DENND2A: variants seen among roughly 807,000 people sequenced by gnomAD.
The protein encoded by DENND2A is DENN domain containing 2A, also known as DENN domain-containing protein 2A.
A neutral mutation model predicts 105.3 loss-of-function variants in DENND2A; 53 were observed. That is an observed-to-expected ratio of 0.50 (90% CI 0.40 to 0.63). The LOEUF (loss-of-function observed/expected upper bound fraction) is 0.63, where lower values mean the gene tolerates loss of function less well. Among genes scored for constraint, DENND2A ranks in the 30% least tolerant of loss-of-function variants. The probability of loss-of-function intolerance (pLI) is 0.00; values close to 1 mark genes in which losing one functional copy is unlikely to be tolerated. For synonymous variants in DENND2A, 522 were observed against 508.4 expected (o/e 1.03, Z -0.36); for missense variants, 1,138 against 1,279.6 (o/e 0.89, Z 1.69).
rs772656922 is a variant in DENND2A at position 140,585,693 on chromosome 7, TCTC to T, written c.1138_1140del (p.Glu380del). The T allele has an allele frequency of 6.2e-7, 1 of 1,614,186 alleles. No homozygotes were observed. The highest frequency in any genetic ancestry group is 8.5e-7 in the Non-Finnish European group (1 of 1,180,028). On this transcript the variant is annotated inframe_deletion, in exon 5 of 20. Transcript: ENST00000496613. ...TGTAACTCGATGTCCTCATAAGGGTTCTCCTTCATTGGCGGATCTGTGTTCAAA... is the reference window on the plus strand; with the variant it reads ...TGTAACTCGATGTCCTCATAAGGGTTCTTCATTGGCGGATCTGTGTTCAAA...
At chr7:140,615,387 C>G (rs1322660534) in intron 1 of DENND2A, among the ~76,000 whole-genome samples, 1 of 152,198 alleles carries the variant, frequency 6.6e-6, no homozygotes, top group East Asian at 1.9e-4. Flanking sequence ...GGCCTGCACC[C>G]TTCTTGGACC....
At chr7:140,542,409 G>A (rs1045510781) in intron 14 of DENND2A, among the ~76,000 whole-genome samples, 1 of 152,070 alleles carries the variant, frequency 6.6e-6, no homozygotes, top group Non-Finnish European at 1.5e-5. Flanking sequence ...TAACGGTGAG[G>A]AGGGATGCCC....
intron 11 of DENND2A, 63 bp from the exon 12 acceptor site, chr7:140,555,776 A>AC: frequency 6.8e-7 from 1 of 1,461,696 alleles, no homozygotes; most frequent in East Asian, 2.3e-5. Context: ...AAAGGAACCC[A>AC]CATGTTTTTT....
At chr7:140,524,523 C>A (rs958625782) in intron 16 of DENND2A, among the ~76,000 whole-genome samples, 1 of 152,056 alleles carries the variant, frequency 6.6e-6, no homozygotes, top group Non-Finnish European at 1.5e-5. Flanking sequence ...AGTGCACGTG[C>A]GTGCGCGCAC....
intron 1 of DENND2A, among the ~76,000 whole-genome samples, chr7:140,615,874 C>T (rs866616231): frequency 1.3e-5 from 2 of 151,868 alleles, no homozygotes; most frequent in Non-Finnish European, 2.9e-5. Flanking sequence ...TTTTCTTATG[C>T]TTAATGCGTC....
chr7:140,544,682 G>C lies in DENND2A; in HGVS notation c.2263C>G (p.Leu755Val). 1.9e-6 allele frequency: 3 copies of C among 1,614,054 alleles called. No homozygotes were observed. Among genetic ancestry groups the C allele is most frequent in the Non-Finnish European group, 2.5e-6 (3 of 1,179,994 alleles). The change falls in exon 14 of 20, where the codon CTG (leucine) becomes GTG (valine). Residue 755 changes from leucine (L) to valine (V), a missense_variant. Around this residue, in one of 2 missense-constraint regions of DENND2A, gnomAD observed 627 missense variants for 779.8 expected, o/e 0.80. Coordinates refer to ENST00000496613, the MANE Select transcript of DENND2A (RefSeq NM_015689.5). ...SLFSSLSVRH[L>V]VCVFASLLLE... ...AGCAGGGAGGCAAACACACAGACCA[G>C]GTGGCGGACGCTGAGGGAGGAGAAG... is the stretch of plus-strand genomic sequence containing the variant.
intron 5 of DENND2A, among the ~76,000 whole-genome samples, chr7:140,580,408 C>A (rs191322892): frequency 6.6e-6 from 1 of 152,174 alleles, no homozygotes; most frequent in Admixed American, 6.5e-5. Context: ...CAGCCTTGGA[C>A]TCCTGGGTTC....
At chr7:140,567,374 A>G (rs1797894596) in intron 8 of DENND2A, 101 bp from the exon 9 acceptor site, 1 of 1,059,356 alleles carries the variant, frequency 9.4e-7, no homozygotes, top group African/African-American at 1.6e-5. Context: ...TGAAATGACC[A>G]TGAGTCCATG....
chr7:140,560,215 A>G (rs1797558395), intron 9 of DENND2A, among the ~76,000 whole-genome samples: 1 of 152,202 alleles, frequency 6.6e-6, no homozygotes, highest in African/African-American at 2.4e-5. Flanking sequence ...AACTCCAGGC[A>G]AAGACTGTTA....
At chr7:140,609,797 G>T (rs1799827140) in intron 1 of DENND2A, 1 of 152,084 alleles carries the variant, frequency 6.6e-6, no homozygotes, top group Admixed American at 6.5e-5. Context: ...TTTTCTTTGG[G>T]CATTGACATC....
chr7:140,616,108 T>C (rs1800076745), intron 1 of DENND2A, among the ~76,000 whole-genome samples: 1 of 152,142 alleles, frequency 6.6e-6, no homozygotes, highest in Non-Finnish European at 1.5e-5. Context: ...GGCTCATGCC[T>C]GTAATCCCAG....
chr7:140,558,104 C>T (rs1413856405), intron 11 of DENND2A, 39 bp downstream of exon 11: 2 of 1,581,398 alleles, frequency 1.3e-6, no homozygotes, highest in African/African-American at 1.3e-5. Flanking sequence ...ACTAGGAAGT[C>T]CACGAGGCTC....
Position 140,602,458 on chromosome 7 carries a change from C to T in DENND2A, c.-61G>A. On this transcript the variant is annotated 5_prime_UTR_variant, in exon 3 of 20. Coordinates refer to ENST00000496613, the MANE Select transcript of DENND2A (RefSeq NM_015689.5). ...GGGGACTCCTTCTGAAGCCTGACTC[C>T]TGATCAGTCTCTAGGAATGGAATGG... 3 of 1,485,856 alleles carry T rather than the reference C, an allele frequency of 2.0e-6. No homozygotes were observed. The South Asian group carries it at 4.1e-5, about 20-fold the overall frequency. 92.0% of individuals were successfully genotyped at this position (1,485,856 alleles called of 1,614,324 possible). A position where few individuals can be genotyped will look rare whatever the true frequency, so the allele number is the denominator to read the frequency against.
chr7:140,588,752 C>T (rs1798887752), intron 3 of DENND2A, among the ~76,000 whole-genome samples: 1 of 147,000 alleles, frequency 6.8e-6, no homozygotes. Flanking sequence ...TATTCTTATC[C>T]ACTTTTTTTG....
rs561929023 is a variant in DENND2A, at chr7:140,634,194, T to G, written c.-248+6310A>C. Reference sequence around the variant, plus strand: ...TTTGTATTTTTAGTAGAGACGGGGTTTCACCGTGTTAGCCAGGACCGTCTT... The same window carrying G: ...TTTGTATTTTTAGTAGAGACGGGGTGTCACCGTGTTAGCCAGGACCGTCTT... On this transcript the variant is annotated intron_variant, in intron 1 of 19. Transcript: ENST00000496613. Among the ~76,000 whole-genome samples, 37 of 151,850 alleles carry G rather than the reference T, an allele frequency of 2.4e-4. No homozygotes were observed. The East Asian group carries it at 7.0e-3, about 29-fold the overall frequency.
rs558605944 is a variant in DENND2A at position 140,576,134 on chromosome 7, T to G, written c.1246-2126A>C. ...ATTTTTTATGTTCTTTGTTTATCTT[T>G]TAGGATTCTAATGTTTTTACTATTT... On this transcript the variant is annotated intron_variant, in intron 5 of 19. Transcript: ENST00000496613. Among the ~76,000 whole-genome samples the G allele has an allele frequency of 6.6e-5, 10 of 152,138 alleles. 1 individual carries two copies. The East Asian group carries it at 1.9e-3, about 29-fold the overall frequency.
At chr7:140,546,067 C>T (rs890859899) in intron 13 of DENND2A, among the ~76,000 whole-genome samples, 6 of 152,152 alleles carry the variant, frequency 3.9e-5, no homozygotes, top group African/African-American at 1.2e-4. Flanking sequence ...GGTCCTTCTT[C>T]TGATGTCCAC....
At chr7:140,616,127 G>A (rs1354834411) in intron 1 of DENND2A, among the ~76,000 whole-genome samples, 4 of 152,166 alleles carry the variant, frequency 2.6e-5, no homozygotes, top group East Asian at 3.9e-4. Flanking sequence ...AGCACTTTGG[G>A]AGGATGATGT....
chr7:140,610,847 G>C (rs1165843111), intron 1 of DENND2A, among the ~76,000 whole-genome samples: 1 of 152,174 alleles, frequency 6.6e-6, no homozygotes, highest in African/African-American at 2.4e-5. Context: ...GGACCCGGCA[G>C]CTCCTTTAGA....
Sources: allele counts gnomAD v4.1 joint callset (sites outside exome capture counted in the v4.1 genomes callset), GRCh38; gene constraint gnomAD v4.1.1; regional missense constraint gnomAD v4.1.1; transcripts MANE v1.5; gene names NCBI Gene and HGNC (gene_info 2026-07-23, HGNC 2026-07-21).